The following JMJD1C variants were observed in gnomAD, a reference collection of about 807,000 sequenced individuals.
JMJD1C encodes jumonji domain-containing protein 1C.
Under a neutral mutation model 245.3 loss-of-function variants are expected in JMJD1C, and 31 were observed. That is an observed-to-expected ratio of 0.13 (90% confidence interval 0.09 to 0.17). The LOEUF is 0.17. Among genes scored for constraint, JMJD1C ranks in the 10% least tolerant of loss-of-function variants. The pLI is 1.00. For missense variants in JMJD1C, 2,691 were observed against 3,000.2 expected (o/e 0.90, Z 2.41); for synonymous variants, 1,057 against 1,017.4 (o/e 1.04, Z -0.74).
chr10:63,290,414 A>T (rs1858514087), intron 2 of JMJD1C, among the ~76,000 whole-genome samples: 1 of 152,102 alleles, frequency 6.6e-6, no homozygotes, highest in Admixed American at 6.5e-5. Context: ...ATTAAAAATT[A>T]GTCAGGCGTG....
intron 3 of JMJD1C, among the ~76,000 whole-genome samples, chr10:63,225,076 A>C (rs1398164072): frequency 6.6e-6 from 1 of 152,030 alleles, no homozygotes. Context: ...AAAAAGAAAA[A>C]AATCCACTTA....
chr10:63,458,132 A>G (rs1297013053), intron 1 of JMJD1C, among the ~76,000 whole-genome samples: 3 of 152,222 alleles, frequency 2.0e-5, no homozygotes. Flanking sequence ...GACCAGTTGT[A>G]AAACTAAAAG....
At chr10:63,380,012 C>G (rs1191171849) in intron 2 of JMJD1C, among the ~76,000 whole-genome samples, 1 of 151,320 alleles carries the variant, frequency 6.6e-6, no homozygotes, top group African/African-American at 2.4e-5. Context: ...GTGACAGTAA[C>G]TCACATTGAC....
chr10:63,362,270 G>A (rs1403990250), intron 2 of JMJD1C, among the ~76,000 whole-genome samples: 4 of 150,190 alleles, frequency 2.7e-5, no homozygotes, highest in Admixed American at 6.7e-5. Flanking sequence ...TTTGAAAGAA[G>A]TGTTTACCAA....
intron 1 of JMJD1C, among the ~76,000 whole-genome samples, chr10:63,395,721 G>A (rs966876844): frequency 3.9e-5 from 6 of 152,110 alleles, no homozygotes; most frequent in African/African-American, 1.4e-4. Context: ...CCAAAATGAA[G>A]TGGGACAAAC....
At chr10:63,502,369 T>A (rs966762401) in intron 1 of JMJD1C, among the ~76,000 whole-genome samples, 2 of 152,050 alleles carry the variant, frequency 1.3e-5, no homozygotes, top group African/African-American at 4.8e-5. Flanking sequence ...CCAGGCACCG[T>A]GGCTCATGCC....
chr10:63,182,494 T>G (rs1177293940), intron 22 of JMJD1C, among the ~76,000 whole-genome samples: 1 of 152,122 alleles, frequency 6.6e-6, no homozygotes, highest in African/African-American at 2.4e-5. Context: ...GATGGTAAAA[T>G]ATTTCTTATG....
chr10:63,239,250 T>C (rs1317248614), intron 3 of JMJD1C, among the ~76,000 whole-genome samples: 2 of 152,096 alleles, frequency 1.3e-5, no homozygotes, highest in Admixed American at 6.5e-5. Flanking sequence ...ATGGATTGAA[T>C]TAAGGACAGC....
chr10:63,482,572 G>A (rs762302508), intron 1 of JMJD1C, among the ~76,000 whole-genome samples: 2 of 152,048 alleles, frequency 1.3e-5, no homozygotes, highest in Non-Finnish European at 2.9e-5. Flanking sequence ...GGAGGCCAAG[G>A]TAGCAGTGAG....
chr10:63,411,539 T>C (rs908868239), intron 1 of JMJD1C, among the ~76,000 whole-genome samples: 9 of 151,896 alleles, frequency 5.9e-5, no homozygotes, highest in African/African-American at 1.9e-4. Context: ...CCTCAGGTGA[T>C]CCGCCTGCCT....
intron 2 of JMJD1C, among the ~76,000 whole-genome samples, chr10:63,346,815 C>A (rs1036757616): frequency 4.6e-5 from 7 of 152,030 alleles, no homozygotes; most frequent in Non-Finnish European, 8.8e-5. Flanking sequence ...AGAGACTTAT[C>A]GTATCATTCA....
chr10:63,277,322 G>A (rs1333151551), intron 2 of JMJD1C, among the ~76,000 whole-genome samples: 1 of 151,504 alleles, frequency 6.6e-6, no homozygotes, highest in African/African-American at 2.4e-5. Context: ...TTTAAGGGTT[G>A]GTGTCTACAC....
chr10:63,345,488 C>CAAAAAAAAAAAAAAAAAAAAAAAAAAAAA, intron 2 of JMJD1C, among the ~76,000 whole-genome samples: 1 of 100,474 alleles, frequency 1.0e-5, no homozygotes. Flanking sequence ...GACTTTGTCT[C>CAAAAAAAAAAAAAAAAAAAAAAAAAAAAA]AAAAAAAAAA....
intron 1 of JMJD1C, among the ~76,000 whole-genome samples, chr10:63,389,325 AAAAG>A (rs1947865682): frequency 2.7e-5 from 4 of 149,170 alleles, no homozygotes; most frequent in African/African-American, 5.0e-5. Context: ...AAAAAAAAAA[AAAAG>A]AAAAAGAAAA....
intron 2 of JMJD1C, among the ~76,000 whole-genome samples, chr10:63,285,126 C>G (rs970339622): frequency 6.6e-6 from 1 of 152,144 alleles, no homozygotes; most frequent in Non-Finnish European, 1.5e-5. Flanking sequence ...TGGGCCTACA[C>G]CATTGATAAC....
At chr10:63,445,669 T>C (rs974617890) in intron 1 of JMJD1C, among the ~76,000 whole-genome samples, 8 of 152,108 alleles carry the variant, frequency 5.3e-5, no homozygotes, top group African/African-American at 1.7e-4. Context: ...TCTGACTGTT[T>C]GCTATAGGCA....
At chr10:63,229,813 C>T (rs12770806) in intron 3 of JMJD1C, among the ~76,000 whole-genome samples, 30,701 of 152,046 alleles carry the variant, frequency 0.2, 4,065 homozygotes, top group Non-Finnish European at 0.29. Flanking sequence ...TCTTTGCATT[C>T]GAGTTTTATT....
At chr10:63,426,542 G>A (rs1017411672) in intron 1 of JMJD1C, among the ~76,000 whole-genome samples, 8 of 152,034 alleles carry the variant, frequency 5.3e-5, no homozygotes, top group African/African-American at 7.2e-5. Flanking sequence ...GTGGTGGTGC[G>A]CGCCTGTAAT....
intron 1 of JMJD1C, among the ~76,000 whole-genome samples, chr10:63,482,065 T>C (rs1317324817): frequency 2.6e-5 from 4 of 152,198 alleles, no homozygotes; most frequent in African/African-American, 9.7e-5. Flanking sequence ...CTTAATGTTG[T>C]GGATAGGTTC....
Sources: gnomAD v4.1 joint callset for allele counts (sites outside exome capture counted in the v4.1 genomes callset) on GRCh38, gnomAD v4.1.1 for gene constraint, MANE v1.5 for transcripts, NCBI Gene and HGNC (gene_info 2026-07-23, HGNC 2026-07-21) for gene names.